UBA3: variants seen among roughly 807,000 people sequenced by gnomAD.
UBA3 encodes NEDD8-activating enzyme E1 catalytic subunit.
Under a neutral mutation model 73.5 loss-of-function variants are expected in UBA3, and 26 were observed. That is an observed-to-expected ratio of 0.35 (90% CI 0.26 to 0.49). The LOEUF is 0.49. Ranked by LOEUF, UBA3 falls within the 20% of genes least tolerant of loss-of-function variation. The pLI is 0.98. For missense variants in UBA3, 495 were observed against 555.6 expected, an observed-to-expected ratio of 0.89 and a Z score of 1.10; for synonymous variants, 217 against 191.2, an observed-to-expected ratio of 1.13 and a Z score of -1.11.
chr3:69,063,220 G>A (rs2092038679), intron 8 of UBA3, 83 bp from the exon 9 acceptor site: 1 of 1,545,758 alleles, frequency 6.5e-7, no homozygotes, highest in African/African-American at 1.4e-5. Context: ...AATCCTATGA[G>A]TCGGTTGTGC....
At position 69,069,780 on chromosome 3, in the gene UBA3, G is replaced by C. The variant is rs556803733; in HGVS notation, c.347+1755C>G. 9.2e-5 allele frequency among the ~76,000 whole-genome samples: 14 copies of C among 152,284 alleles called. 1 individual carries two copies. The South Asian group carries it at 2.9e-3, about 32-fold the overall frequency. On this transcript the variant is annotated intron_variant, in intron 5 of 17. Transcript: ENST00000361055. The stretch of plus-strand genomic sequence containing the variant: ...ATTGCATTCAATGGCTCCACACACA[G>C]AAAGCTCTTTTGGTTTGTAAAAGGG...
At position 69,056,170 on chromosome 3, in the gene UBA3, C is replaced by A. The variant is rs1328239577; in HGVS notation, c.1184+13G>T. On this transcript the variant is annotated intron_variant, in intron 15 of 17. Coordinates refer to ENST00000361055, the MANE Select transcript of UBA3 (RefSeq NM_003968.4). ...ATGATTTTTACAACATAACAAAAAT[C>A]TACAATACTTACAGAGAAGCACTAT... 1 of 1,569,120 alleles carries A rather than the reference C, an allele frequency of 6.4e-7. No homozygotes were observed. The highest frequency in any genetic ancestry group is 8.6e-7 in the Non-Finnish European group (1 of 1,164,592).
intron 6 of UBA3, among the ~76,000 whole-genome samples, chr3:69,067,566 A>T (rs2092084025): frequency 2.0e-5 from 3 of 152,124 alleles, no homozygotes; most frequent in Admixed American, 2.0e-4. Flanking sequence ...TTGACTGTCT[A>T]CTCTGTCTGC....
At chr3:69,058,658 T>G (rs371652635) in intron 11 of UBA3, among the ~76,000 whole-genome samples, 1 of 152,138 alleles carries the variant, frequency 6.6e-6, no homozygotes, top group East Asian at 1.9e-4. Context: ...GTGAAGCGTG[T>G]AAGAGACACT....
chr3:69,079,455 C>A (rs1007553737), intron 2 of UBA3, among the ~76,000 whole-genome samples: 1 of 152,020 alleles, frequency 6.6e-6, no homozygotes, highest in Non-Finnish European at 1.5e-5. Context: ...TTTTCCCTGC[C>A]CAGGCAGGGA....
At chr3:69,073,833 C>CAGAAGTAACACA (rs553963887) in intron 4 of UBA3, among the ~76,000 whole-genome samples, 4,056 of 151,978 alleles carry the variant, frequency 0.027, 72 homozygotes, top group Middle Eastern at 0.071. Context: ...TTAGTAGAGA[C>CAGAAGTAACACA]GGGGTTTCAC....
chr3:69,076,083 A>T (rs1431517955), intron 3 of UBA3, among the ~76,000 whole-genome samples: 1 of 152,200 alleles, frequency 6.6e-6, no homozygotes, highest in Non-Finnish European at 1.5e-5. Flanking sequence ...GGGTATTTTT[A>T]ACAAGGAAAA....
chr3:69,063,611 G>A (rs1472991505), intron 7 of UBA3, 108 bp from the exon 8 acceptor site: 9 of 912,416 alleles, frequency 9.9e-6, no homozygotes, highest in Non-Finnish European at 1.4e-5. Context: ...GGTGCAAGAT[G>A]TTGATTAGGA....
intron 17 of UBA3, 56 bp from the exon 18 acceptor site, chr3:69,055,581 A>G: frequency 7.6e-7 from 1 of 1,318,678 alleles, no homozygotes; most frequent in East Asian, 2.4e-5. Context: ...AGAAAGGATA[A>G]TACACATGTA....
chr3:69,063,971 G>T, intron 7 of UBA3, 97 bp downstream of exon 7: 1 of 1,046,646 alleles, frequency 9.6e-7, no homozygotes, highest in South Asian at 1.5e-5. Context: ...GAAAGCAAGT[G>T]AAGAAATAGC....
intron 11 of UBA3, 172 bp downstream of exon 11, chr3:69,061,642 T>C: frequency 2.0e-6 from 1 of 497,344 alleles, no homozygotes; most frequent in Admixed American, 3.7e-5. Flanking sequence ...TAAGTAAGAT[T>C]CAATAATTTT....
intron 2 of UBA3, 91 bp downstream of exon 2, chr3:69,080,021 C>G: frequency 7.9e-7 from 1 of 1,265,816 alleles, no homozygotes; most frequent in Non-Finnish European, 1.1e-6. Flanking sequence ...CCCTCCCAGC[C>G]CCCCGGGCCC....
At chr3:69,070,881 A>G (rs185818640) in intron 5 of UBA3, among the ~76,000 whole-genome samples, 2 of 152,236 alleles carry the variant, frequency 1.3e-5, no homozygotes, top group East Asian at 3.9e-4. Context: ...CCTGGGCTCA[A>G]GCAATCTTCT....
At chr3:69,055,784 C>T (rs2091967541) in intron 17 of UBA3, 67 bp downstream of exon 17, 1 of 1,468,586 alleles carries the variant, frequency 6.8e-7, no homozygotes, top group Non-Finnish European at 9.4e-7. Flanking sequence ...AGAACAAGCA[C>T]TGATTACTTT....
chr3:69,055,758 C>A, intron 17 of UBA3, 93 bp downstream of exon 17: 1 of 1,220,046 alleles, frequency 8.2e-7, no homozygotes, highest in South Asian at 1.4e-5. Flanking sequence ...ATATACAAGG[C>A]ATTAAGAGGA....
intron 5 of UBA3, among the ~76,000 whole-genome samples, chr3:69,070,111 T>C (rs1278097582): frequency 6.6e-6 from 1 of 152,232 alleles, no homozygotes; most frequent in Non-Finnish European, 1.5e-5. Context: ...CTTCAACCAT[T>C]TTAGCCACAA....
intron 3 of UBA3, among the ~76,000 whole-genome samples, chr3:69,076,873 G>A (rs546312178): frequency 1.1e-4 from 17 of 151,634 alleles, no homozygotes; most frequent in East Asian, 7.8e-4. Flanking sequence ...GATTACAGGC[G>A]TGAGCCACCT....
chr3:69,063,176 A>T (rs2092038034), intron 8 of UBA3, 39 bp from the exon 9 acceptor site: 1 of 1,606,168 alleles, frequency 6.2e-7, no homozygotes, highest in Non-Finnish European at 8.5e-7. Context: ...GGAGAAGGGG[A>T]TAAGAATTCA....
At chr3:69,071,500 TA>T (rs760825948) in intron 5 of UBA3, 34 bp downstream of exon 5, 19 of 1,221,116 alleles carry the variant, frequency 1.6e-5, no homozygotes, top group Admixed American at 2.6e-5. Context: ...TATCAGAGCT[TA>T]AAAAAAGAAA....
Sources: allele counts gnomAD v4.1 joint callset (sites outside exome capture counted in the v4.1 genomes callset), GRCh38; gene constraint gnomAD v4.1.1; transcripts MANE v1.5; gene names NCBI Gene and HGNC (gene_info 2026-07-23, HGNC 2026-07-21).